The following C6 variants were observed in gnomAD, a reference collection of about 807,000 sequenced individuals.
C6 encodes the protein complement component C6.
C6 carries 101 observed loss-of-function variants against 112.9 expected under a neutral mutation model. The ratio of observed to expected loss-of-function variants is 0.89; its 90% confidence interval spans 0.76 to 1.06. The LOEUF (loss-of-function observed/expected upper bound fraction) is 1.06. C6 is among the 50% of genes least tolerant of loss of function. The pLI is 0.00. For synonymous variants in C6, 431 were observed against 384.1 expected (o/e 1.12, Z -1.43); for missense variants, 1,202 against 1,104.6 (o/e 1.09, Z -1.25).
At chr5:41,223,872 G>A (rs902934210) in intron 1 of C6, among the ~76,000 whole-genome samples, 2 of 151,892 alleles carry the variant, frequency 1.3e-5, no homozygotes, top group African/African-American at 4.8e-5. Flanking sequence ...GTTCTATTTA[G>A]TTATCATATC....
chr5:41,172,418 C>G (rs1302579121), intron 8 of C6, 71 bp from the exon 9 acceptor site: 4 of 1,466,494 alleles, frequency 2.7e-6, no homozygotes, highest in Non-Finnish European at 3.8e-6. Flanking sequence ...ACATGGTGCT[C>G]TGGTCACTTC....
intron 1 of C6, among the ~76,000 whole-genome samples, chr5:41,257,979 A>C (rs866622700): frequency 4.6e-5 from 7 of 152,194 alleles, no homozygotes; most frequent in Admixed American, 1.3e-4. Flanking sequence ...CACATAGAAA[A>C]AAATCTTTTT....
chr5:41,201,657 C>G lies in C6; in HGVS notation c.201G>C (p.Lys67Asn). The change falls in exon 3 of 18, where the codon AAG becomes AAC. Residue 67 changes from lysine (K) to asparagine (N), a missense_variant. Transcript: ENST00000337836. Reference protein sequence around the residue: ...QENFCEQICSKQETRECNWQR... With the variant: ...QENFCEQICSNQETRECNWQR... ...GCCAGTTACATTCTCTAGTCTCCTGCTTGCTGCAAATCTGTTCACAAAAGT... is the reference window on the plus strand; with the variant it reads ...GCCAGTTACATTCTCTAGTCTCCTGGTTGCTGCAAATCTGTTCACAAAAGT... 1 of 1,613,624 alleles carries G rather than the reference C, an allele frequency of 6.2e-7. No individual in the cohort carries two copies. Among genetic ancestry groups the G allele is most frequent in the Non-Finnish European group, 8.5e-7 (1 of 1,179,822 alleles).
At chr5:41,236,408 C>G (rs1031292387) in intron 1 of C6, among the ~76,000 whole-genome samples, 10 of 151,514 alleles carry the variant, frequency 6.6e-5, no homozygotes, top group Non-Finnish European at 1.0e-4. Flanking sequence ...CATTATTTCT[C>G]AGGATTAAGA....
At chr5:41,261,170 A>G (rs1036457591) in intron 1 of C6, 15 of 984,670 alleles carry the variant, frequency 1.5e-5, no homozygotes, top group Non-Finnish European at 1.6e-5. Flanking sequence ...TTAAAAAAAA[A>G]GAAGAAAAAA....
At chr5:41,143,157 A>T (rs1477096047) in intron 17 of C6, 151 bp from the exon 18 acceptor site, 1 of 708,036 alleles carries the variant, frequency 1.4e-6, no homozygotes, top group Non-Finnish European at 2.4e-6. Flanking sequence ...GCCAAAAAAT[A>T]AAAATTAAAA....
chr5:41,158,553 G>A (rs1747141530), intron 13 of C6, 121 bp downstream of exon 13: 1 of 705,816 alleles, frequency 1.4e-6, no homozygotes, highest in South Asian at 1.5e-5. Context: ...ATATTATTTT[G>A]TACTTTTAAA....
chr5:41,221,763 C>A (rs757251899), intron 1 of C6, among the ~76,000 whole-genome samples: 4 of 152,102 alleles, frequency 2.6e-5, no homozygotes, highest in Non-Finnish European at 5.9e-5. Context: ...GTTATTCAAT[C>A]CATCATTATA....
At chr5:41,255,414 C>A (rs1741633535) in intron 1 of C6, among the ~76,000 whole-genome samples, 1 of 151,382 alleles carries the variant, frequency 6.6e-6, no homozygotes, top group Non-Finnish European at 1.5e-5. Flanking sequence ...CACTTTCATT[C>A]TTTCATATTC....
At chr5:41,183,199 A>G (rs1230202077) in intron 6 of C6, among the ~76,000 whole-genome samples, 1 of 152,228 alleles carries the variant, frequency 6.6e-6, no homozygotes, top group Non-Finnish European at 1.5e-5. Flanking sequence ...TATTTTCATA[A>G]TACAGATCCA....
intron 17 of C6, among the ~76,000 whole-genome samples, chr5:41,146,933 T>A (rs574680595): frequency 1.5e-4 from 23 of 151,614 alleles, no homozygotes; most frequent in Non-Finnish European, 2.5e-4. Flanking sequence ...AAAAAAAAAA[T>A]TATTTCCAAT....
rs182948681 is a variant in C6 at position 41,165,832 on chromosome 5, C to T, written c.1292-3973G>A. Among the ~76,000 whole-genome samples the T allele has an allele frequency of 5.0e-3, 766 of 152,186 alleles. 2 individuals carry two copies. Among genetic ancestry groups the T allele is most frequent in the Middle Eastern group, 0.017 (5 of 294 alleles). ...TCTTGATGTTGATTACATAGCCAAT[C>T]AACAGTGGAGCCAACACTTGAATAT... On this transcript the variant is annotated intron_variant, in intron 9 of 17. Coordinates refer to ENST00000337836, the MANE Select transcript of C6 (RefSeq NM_000065.5).
intron 13 of C6, among the ~76,000 whole-genome samples, chr5:41,156,497 CCTT>C (rs1302162742): frequency 6.6e-6 from 1 of 152,150 alleles, no homozygotes; most frequent in Non-Finnish European, 1.5e-5. Context: ...AAAACATTAT[CCTT>C]CTTAAGGAGC....
chr5:41,152,268 G>A (rs1580046837), intron 15 of C6, among the ~76,000 whole-genome samples: 1 of 152,006 alleles, frequency 6.6e-6, no homozygotes, highest in Non-Finnish European at 1.5e-5. Context: ...ATAGCATGTC[G>A]GTGAGGGAGG....
intron 7 of C6, among the ~76,000 whole-genome samples, chr5:41,181,132 A>G (rs1340357666): frequency 6.6e-6 from 1 of 152,070 alleles, no homozygotes; most frequent in Non-Finnish European, 1.5e-5. Flanking sequence ...AGTGAAGATA[A>G]AAAACATAAC....
rs574256356 is a variant in C6 at position 41,199,809 on chromosome 5, A to G, written c.404T>C (p.Ile135Thr). 5 of 1,613,846 alleles carry G rather than the reference A, an allele frequency of 3.1e-6. No homozygotes were observed. Among genetic ancestry groups the G allele is most frequent in the East Asian group, 2.2e-5 (1 of 44,876 alleles). ...QPCIPSKLCK[I>T]EEADCKNKFR... Reference sequence around the variant, plus strand: ...TTTATTCTTGCAGTCAGCCTCTTCAATTTTGCAGAGCTTAGATGGAATGCA... The same window carrying G: ...TTTATTCTTGCAGTCAGCCTCTTCAGTTTTGCAGAGCTTAGATGGAATGCA... Residue 135 changes from isoleucine (I) to threonine (T), a missense_variant, in exon 4 of 18, where the codon ATT becomes ACT. Physicochemically the swap from Ile to Thr is moderately conservative, Grantham distance 89. Coordinates refer to ENST00000337836, the MANE Select transcript of C6 (RefSeq NM_000065.5).
rs773497981 is a variant in C6 at position 41,203,142 on chromosome 5, G to T, written c.89C>A (p.Thr30Asn). The change falls in exon 2 of 18, where the codon ACT becomes AAT. Residue 30 changes from threonine to asparagine, a missense_variant. Thr to Asn is a moderately conservative substitution (Grantham distance 65). Transcript: ENST00000337836. ...QACFCDHYAW[T>N]QWTSCSKTCN... ...AGTTTTTGAGCAGCTGGTCCACTGA[G>T]TCCATGCATAGTGATCACAGAAGCA... 1.2e-6 allele frequency: 2 copies of T among 1,614,112 alleles called. No homozygotes were observed. The highest frequency in any genetic ancestry group is 1.7e-4 in the Middle Eastern group (1 of 6,054).
chr5:41,178,509 T>C (rs1749054695), intron 7 of C6, among the ~76,000 whole-genome samples: 1 of 126,868 alleles, frequency 7.9e-6, no homozygotes, highest in African/African-American at 3.0e-5. Context: ...CAGAGCTAGC[T>C]CTGTCACCCA....
chr5:41,151,526 C>T (rs986510311), intron 15 of C6, among the ~76,000 whole-genome samples: 4 of 152,164 alleles, frequency 2.6e-5, no homozygotes, highest in East Asian at 1.9e-4. Flanking sequence ...ATCCAAACAA[C>T]GTAGATATAT....
Sources: gnomAD v4.1 joint callset for allele counts (sites outside exome capture counted in the v4.1 genomes callset) on GRCh38, gnomAD v4.1.1 for gene constraint, MANE v1.5 for transcripts, NCBI Gene and HGNC (gene_info 2026-07-23, HGNC 2026-07-21) for gene names.